CLEC3B: variants seen among roughly 807,000 people sequenced by gnomAD.
CLEC3B encodes the protein C-type lectin domain family 3 member B.
In CLEC3B, 13 loss-of-function variants were observed where a neutral mutation model predicts 15.4. The observed-to-expected ratio is 0.84, with a 90% CI of 0.55 to 1.34. CLEC3B has a LOEUF of 1.34. CLEC3B is among the 40% of genes most tolerant of loss of function. CLEC3B has a pLI of 0.00. For synonymous variants in CLEC3B, 112 were observed against 114.7 expected (o/e 0.98, Z 0.15); for missense variants, 242 against 268.6 (o/e 0.90, Z 0.69).
At position 45,035,894 on chromosome 3, in the gene CLEC3B, G is replaced by C. The variant is rs748070020; in HGVS notation, c.579G>C (p.Leu193=). The C allele has an allele frequency of 6.2e-7, 1 of 1,605,618 alleles. No individual in the cohort carries two copies. Among genetic ancestry groups the C allele is most frequent in the South Asian group, 1.1e-5 (1 of 90,942 alleles). The change falls in exon 3 of 3, where the codon CTG becomes CTC. Residue 193 remains leucine (L), a synonymous_variant. Transcript: ENST00000296130. ...KWFDKRCRDQ[L]PYICQFGIV Reference sequence around the variant, plus strand: ...TCGACAAGCGCTGCCGCGATCAGCTGCCCTACATCTGCCAGTTCGGGATCG... The same window carrying C: ...TCGACAAGCGCTGCCGCGATCAGCTCCCCTACATCTGCCAGTTCGGGATCG...
chr3:45,026,503 T>C, intron 1 of CLEC3B, 32 bp downstream of exon 1: 1 of 1,582,876 alleles, frequency 6.3e-7, no homozygotes, highest in South Asian at 1.1e-5. Context: ...TGTGCCATCT[T>C]CCAGGGAGCA....
chr3:45,029,248 T>G (rs1697523316), intron 1 of CLEC3B, among the ~76,000 whole-genome samples: 1 of 152,238 alleles, frequency 6.6e-6, no homozygotes, highest in Non-Finnish European at 1.5e-5. Flanking sequence ...AGGTACCTCC[T>G]CTAAACTGAC....
chr3:45,033,110 A>T (rs574175945), intron 2 of CLEC3B, among the ~76,000 whole-genome samples: 7 of 152,318 alleles, frequency 4.6e-5, no homozygotes, highest in Non-Finnish European at 8.8e-5. Flanking sequence ...GTATGTTTAG[A>T]ATGAGCCCAG....
intron 1 of CLEC3B, among the ~76,000 whole-genome samples, chr3:45,029,569 A>C (rs1276697016): frequency 6.6e-6 from 1 of 152,130 alleles, no homozygotes; most frequent in African/African-American, 2.4e-5. Flanking sequence ...GCTAATTTCT[A>C]TATACACAAC....
At chr3:45,035,027 G>A (rs1697617677) in intron 2 of CLEC3B, among the ~76,000 whole-genome samples, 1 of 152,232 alleles carries the variant, frequency 6.6e-6, no homozygotes, top group African/African-American at 2.4e-5. Context: ...GCAGGTGGCT[G>A]TGGCTGGGCT....
intron 1 of CLEC3B, among the ~76,000 whole-genome samples, chr3:45,029,489 C>T (rs1428548998): frequency 6.6e-6 from 1 of 152,222 alleles, no homozygotes; most frequent in Non-Finnish European, 1.5e-5. Context: ...GCTGGTTTGC[C>T]AGCCCCAAAC....
chr3:45,029,221 T>G (rs1697522947), intron 1 of CLEC3B, among the ~76,000 whole-genome samples: 1 of 152,248 alleles, frequency 6.6e-6, no homozygotes, highest in African/African-American at 2.4e-5. Flanking sequence ...TATGGGCACC[T>G]TGGTGCAAAT....
At position 45,030,824 on chromosome 3, in the gene CLEC3B, C is replaced by G. The variant is rs1156988056; in HGVS notation, c.110-3C>G. ...CACCCTGACATATTTCCTCCTGCTT[C>G]AGATGTTGTGAACACAAAGATGTTT... is the stretch of plus-strand genomic sequence containing the variant. On this transcript the variant is annotated splice_region_variant and splice_polypyrimidine_tract_variant and intron_variant, in intron 1 of 2. Coordinates refer to ENST00000296130, the MANE Select transcript of CLEC3B (RefSeq NM_003278.3). 4 of 1,582,164 alleles carry G rather than the reference C, an allele frequency of 2.5e-6. No individual in the cohort carries two copies. Among genetic ancestry groups the G allele is most frequent in the Non-Finnish European group, 3.4e-6 (4 of 1,163,214 alleles).
rs112391399 is a variant in CLEC3B, at chr3:45,033,693, C to T, written c.209-1831C>T. On this transcript the variant is annotated intron_variant, in intron 2 of 2. Transcript: ENST00000296130. ...AGGGCAGGAGCAGAGGTGTGGAGGA[C>T]TAGCATAAATCGACAGGATCATGAA... Among the ~76,000 whole-genome samples the T allele has an allele frequency of 9.5e-3, 1,449 of 152,226 alleles. 22 individuals carry two copies. Among genetic ancestry groups the T allele is most frequent in the African/African-American group, 0.031 (1,304 of 41,516 alleles).
At position 45,035,736 on chromosome 3, in the gene CLEC3B, G is replaced by A; in HGVS notation, c.421G>A (p.Glu141Lys). The change falls in exon 3 of 3, where the codon GAG (glutamate) becomes AAG (lysine). Residue 141 changes from glutamate (E) to lysine (K), a missense_variant. Coordinates refer to ENST00000296130, the MANE Select transcript of CLEC3B (RefSeq NM_003278.3). ...IWLGLNDMAA[E>K]GTWVDMTGAR... The stretch of plus-strand genomic sequence containing the variant: ...GCTGGGCCTCAACGACATGGCGGCC[G>A]AGGGCACCTGGGTGGACATGACCGG... 1 of 1,613,740 alleles carries A rather than the reference G, an allele frequency of 6.2e-7. No homozygotes were observed.
chr3:45,033,593 C>G (rs1697596177), intron 2 of CLEC3B, among the ~76,000 whole-genome samples: 1 of 152,070 alleles, frequency 6.6e-6, no homozygotes, highest in African/African-American at 2.4e-5. Flanking sequence ...TCAATATATT[C>G]ATGGAATCAC....
At position 45,026,497 on chromosome 3, in the gene CLEC3B, C is replaced by G. The variant is rs762884123; in HGVS notation, c.109+26C>G. The G allele has an allele frequency of 6.9e-6, 11 of 1,595,158 alleles. No individual in the cohort carries two copies. In the East Asian group the frequency reaches 2.5e-4, roughly 36 times the overall value. On this transcript the variant is annotated intron_variant, in intron 1 of 2. Coordinates refer to ENST00000296130, the MANE Select transcript of CLEC3B (RefSeq NM_003278.3). ...GTAAGGAGGGGGACAGAGCCCTGTG[C>G]CATCTTCCAGGGAGCAGGTCCCCCT... is the stretch of plus-strand genomic sequence containing the variant.
chr3:45,035,425 C>T lies in CLEC3B; in HGVS notation c.209-99C>T, dbSNP rs1480791948. 7.5e-6 allele frequency: 11 copies of T among 1,473,720 alleles called. No homozygotes were observed. In the East Asian group the frequency reaches 1.6e-4, roughly 22 times the overall value. 91.3% of individuals were successfully genotyped at this position (1,473,720 alleles called of 1,614,324 possible). A position where few individuals can be genotyped will look rare whatever the true frequency, so the allele number is the denominator to read the frequency against. ...GGGCTGTCAGGACTGATGGGATAAA[C>T]GGGATGGGATGGAGGACGGTGGGCT... On this transcript the variant is annotated intron_variant, in intron 2 of 2. Transcript: ENST00000296130.
chr3:45,030,302 C>T, intron 1 of CLEC3B: 2 of 858,238 alleles, frequency 2.3e-6, no homozygotes, highest in Non-Finnish European at 2.8e-6. Flanking sequence ...GGGCTGTCAT[C>T]ATCCACTTCA....
intron 1 of CLEC3B, among the ~76,000 whole-genome samples, chr3:45,029,784 A>C (rs1452602362): frequency 2.0e-5 from 3 of 152,118 alleles, no homozygotes; most frequent in Non-Finnish European, 4.4e-5. Context: ...AGGAGCTCTA[A>C]ACTTACACAC....
At position 45,026,489 on chromosome 3, in the gene CLEC3B, G is replaced by T; in HGVS notation, c.109+18G>T. 2 of 1,605,206 alleles carry T rather than the reference G, an allele frequency of 1.2e-6. No homozygotes were observed. Among genetic ancestry groups the T allele is most frequent in the South Asian group, 1.1e-5 (1 of 90,776 alleles). On this transcript the variant is annotated intron_variant, in intron 1 of 2. Coordinates refer to ENST00000296130, the MANE Select transcript of CLEC3B (RefSeq NM_003278.3). ...CAAGAAAGGTAAGGAGGGGGACAGA[G>T]CCCTGTGCCATCTTCCAGGGAGCAG...
At chr3:45,032,068 G>T (rs1026585260) in intron 2 of CLEC3B, among the ~76,000 whole-genome samples, 1 of 150,764 alleles carries the variant, frequency 6.6e-6, no homozygotes, top group Non-Finnish European at 1.5e-5. Context: ...GCTCTGCTAT[G>T]CTGCCCCTCG....
In CLEC3B at chr3:45,030,130, C is replaced by T. The variant is rs540950486; in HGVS notation, c.110-697C>T. ...GCATCACATGGGGTGACATGTAGAA[C>T]GGCTTAGCCCAGAGCCTGGCCTCCT... On this transcript the variant is annotated intron_variant, in intron 1 of 2. Coordinates refer to ENST00000296130, the MANE Select transcript of CLEC3B (RefSeq NM_003278.3). The T allele has an allele frequency of 4.7e-5, 46 of 980,926 alleles. No homozygotes were observed. In the African/African-American group the frequency reaches 6.8e-4, roughly 15 times the overall value. 60.8% of individuals were successfully genotyped at this position (980,926 alleles called of 1,614,324 possible). A position where few individuals can be genotyped will look rare whatever the true frequency, so the allele number is the denominator to read the frequency against.
chr3:45,032,669 A>T (rs1697575492), intron 2 of CLEC3B, among the ~76,000 whole-genome samples: 1 of 152,236 alleles, frequency 6.6e-6, no homozygotes, highest in African/African-American at 2.4e-5. Flanking sequence ...AAGGACAAAC[A>T]TGTAACTTTG....
Sources: allele counts gnomAD v4.1 joint callset (sites outside exome capture counted in the v4.1 genomes callset), GRCh38; gene constraint gnomAD v4.1.1; transcripts MANE v1.5; gene names NCBI Gene and HGNC (gene_info 2026-07-23, HGNC 2026-07-21).